The following BRWD1 variants were observed in gnomAD, a reference collection of about 807,000 sequenced individuals.
BRWD1 encodes bromodomain and WD repeat domain containing 1.
A neutral mutation model predicts 251.2 loss-of-function variants in BRWD1; 82 were observed. The ratio of observed to expected loss-of-function variants is 0.33; its 90% CI spans 0.27 to 0.39. The LOEUF (loss-of-function observed/expected upper bound fraction) is 0.39, where lower values mean the gene tolerates loss of function less well. Ranked by LOEUF, BRWD1 falls within the 10% of genes least tolerant of loss-of-function variation. The pLI is 1.00. For synonymous variants in BRWD1, 918 were observed against 902.8 expected (o/e 1.02, Z -0.30); for missense variants, 2,233 against 2,711.6 (o/e 0.82, Z 3.92).
At position 39,228,630 on chromosome 21, in the gene BRWD1, T is replaced by A. The variant is rs375381901; in HGVS notation, c.3126-48A>T. The A allele has an allele frequency of 1.8e-5, 20 of 1,108,436 alleles. No homozygotes were observed. In the African/African-American group the frequency reaches 2.8e-4, roughly 15 times the overall value. The allele number at this position is 1,108,436 out of a possible 1,614,324, so 68.7% of individuals were successfully genotyped here. A position where few individuals can be genotyped will look rare whatever the true frequency, so the allele number is the denominator to read the frequency against. ...GTTAAACTCTCTACATAGCAGGTTATATAGTCTAAAAGCAGCACTGTCCAA... is the reference window on the plus strand; with the variant it reads ...GTTAAACTCTCTACATAGCAGGTTAAATAGTCTAAAAGCAGCACTGTCCAA... On this transcript the variant is annotated intron_variant, in intron 26 of 40. Coordinates refer to ENST00000342449, the MANE Select transcript of BRWD1 (RefSeq NM_033656.4).
At position 39,186,982 on chromosome 21, in the gene BRWD1, T is replaced by C; in HGVS notation, c.*9277A>G. ...CAGAATGTAACTGCCAGTTTACTTGTGTACCAATTGTTTTCAGATGCCACT... is the reference window on the plus strand; with the variant it reads ...CAGAATGTAACTGCCAGTTTACTTGCGTACCAATTGTTTTCAGATGCCACT... On this transcript the variant is annotated 3_prime_UTR_variant, in exon 41 of 41. Transcript: ENST00000342449. The C allele has an allele frequency of 2.6e-6, 4 of 1,517,062 alleles. No homozygotes were observed. The highest frequency in any genetic ancestry group is 3.5e-6 in the Non-Finnish European group (4 of 1,138,654). 94.0% of individuals were successfully genotyped at this position (1,517,062 alleles called of 1,614,324 possible). A position where few individuals can be genotyped will look rare whatever the true frequency, so the allele number is the denominator to read the frequency against.
rs1420911398 is a variant in BRWD1, at chr21:39,312,587, C to G, written c.198+254G>C. ...GGCGGCCGCACCTGGAGCCCCACCC[C>G]TGCCGCAGGACCTCCGCGAGTCGCC... On this transcript the variant is annotated intron_variant, in intron 4 of 40. Transcript: ENST00000342449. 2.0e-5 allele frequency: 7 copies of G among 355,680 alleles called. No homozygotes were observed. In the East Asian group the frequency reaches 3.2e-4, roughly 16 times the overall value. The allele number at this position is 355,680 out of a possible 1,614,324, so 22.0% of individuals were successfully genotyped here. A position where few individuals can be genotyped will look rare whatever the true frequency, so the allele number is the denominator to read the frequency against.
intron 8 of BRWD1, among the ~76,000 whole-genome samples, chr21:39,282,091 C>G (rs990138143): frequency 4.6e-5 from 7 of 151,250 alleles, no homozygotes; most frequent in Admixed American, 1.3e-4. Flanking sequence ...TATACACATA[C>G]GTATATAAAC....
chr21:39,206,419 C>G, intron 36 of BRWD1, 145 bp from the exon 37 acceptor site: 1 of 599,280 alleles, frequency 1.7e-6, no homozygotes, highest in Admixed American at 3.4e-5. Context: ...TTTCCAACCC[C>G]CTTCCCTTAA....
In BRWD1 at chr21:39,190,969, C is replaced by A. The variant is rs879067811; in HGVS notation, c.*5290G>T. The A allele has an allele frequency of 1.0e-6, 1 of 985,018 alleles. No homozygotes were observed. The highest frequency in any genetic ancestry group is 1.2e-6 in the Non-Finnish European group (1 of 829,788). 61.0% of individuals were successfully genotyped at this position (985,018 alleles called of 1,614,324 possible). On this transcript the variant is annotated 3_prime_UTR_variant, in exon 41 of 41. Coordinates refer to ENST00000342449, the MANE Select transcript of BRWD1 (RefSeq NM_033656.4). ...TCATCACAATACAGTTTTCTCTCAC[C>A]CCTAGAAAAACTCAGATTTGTGATG...
chr21:39,255,838 T>C lies in BRWD1; in HGVS notation c.2072-10A>G, dbSNP rs2034545678. 1 of 1,611,356 alleles carries C rather than the reference T, an allele frequency of 6.2e-7. No homozygotes were observed. Among genetic ancestry groups the C allele is most frequent in the Admixed American group, 1.7e-5 (1 of 59,966 alleles). ...CTCAGCCTTCTAAAACCTAGGAAAA[T>C]ATGATGGGGAAGTGATTCCAATACA... On this transcript the variant is annotated splice_polypyrimidine_tract_variant and intron_variant, in intron 18 of 40. Transcript: ENST00000342449.
chr21:39,296,707 C>A, intron 5 of BRWD1: 3 of 873,704 alleles, frequency 3.4e-6, no homozygotes, highest in Non-Finnish European at 4.1e-6. Context: ...GTTCCAGGAC[C>A]TTTAAAGAGA....
intron 36 of BRWD1, among the ~76,000 whole-genome samples, chr21:39,209,047 TA>T: frequency 6.6e-6 from 1 of 150,770 alleles, no homozygotes; most frequent in Non-Finnish European, 1.5e-5. Flanking sequence ...GCTTATGAGA[TA>T]AGAAGAACTG....
At chr21:39,282,230 G>T (rs1306956124) in intron 8 of BRWD1, among the ~76,000 whole-genome samples, 1 of 152,102 alleles carries the variant, frequency 6.6e-6, no homozygotes, top group Non-Finnish European at 1.5e-5. Flanking sequence ...GCAACAGAGT[G>T]AGACTCTGTC....
intron 21 of BRWD1, among the ~76,000 whole-genome samples, chr21:39,242,872 G>A (rs1269795869): frequency 6.6e-6 from 1 of 152,150 alleles, no homozygotes; most frequent in Non-Finnish European, 1.5e-5. Flanking sequence ...ACCAGATATT[G>A]TAAGCCCACT....
chr21:39,313,013 C>T (rs2036561189), intron 3 of BRWD1, 59 bp downstream of exon 3: 3 of 1,234,730 alleles, frequency 2.4e-6, no homozygotes, highest in Non-Finnish European at 2.0e-6. Context: ...GGCGAGCATC[C>T]CTCAGGGCAA....
Position 39,191,774 on chromosome 21 carries a change from A to G in BRWD1, c.*4485T>C. ...CTAGGCTCTATATACTGGTCATCTC[A>G]TTTCAGTTAGGTCAATTGGACTGCC... On this transcript the variant is annotated 3_prime_UTR_variant, in exon 41 of 41. Coordinates refer to ENST00000342449, the MANE Select transcript of BRWD1 (RefSeq NM_033656.4). 1 of 980,674 alleles carries G rather than the reference A, an allele frequency of 1.0e-6. No homozygotes were observed. The highest frequency in any genetic ancestry group is 1.2e-6 in the Non-Finnish European group (1 of 825,630). 60.7% of individuals were successfully genotyped at this position (980,674 alleles called of 1,614,324 possible). A position where few individuals can be genotyped will look rare whatever the true frequency, so the allele number is the denominator to read the frequency against.
intron 17 of BRWD1, among the ~76,000 whole-genome samples, chr21:39,259,490 G>C (rs987913034): frequency 4.6e-5 from 7 of 151,996 alleles, no homozygotes; most frequent in African/African-American, 1.7e-4. Context: ...AGTAGAGACA[G>C]GGTTTCACCG....
chr21:39,188,970 CTG>C lies in BRWD1; in HGVS notation c.*7287_*7288del, dbSNP rs1429634504. The stretch of plus-strand genomic sequence containing the variant: ...TGCCCTTACCTCCTTCAGCTGGACT[CTG>C]TGGGAAGAGAAGTGGCTTAAAGTGC... On this transcript the variant is annotated 3_prime_UTR_variant, in exon 41 of 41. Transcript: ENST00000342449. 1.0e-6 allele frequency: 1 copy of C among 985,254 alleles called. No homozygotes were observed. The highest frequency in any genetic ancestry group is 6.2e-5 in the Admixed American group (1 of 16,258). 61.0% of individuals were successfully genotyped at this position (985,254 alleles called of 1,614,324 possible).
chr21:39,275,510 T>A (rs2035251929), intron 12 of BRWD1, among the ~76,000 whole-genome samples: 1 of 152,176 alleles, frequency 6.6e-6, no homozygotes, highest in Non-Finnish European at 1.5e-5. Flanking sequence ...TTTCATTCAA[T>A]TAATACATTT....
intron 17 of BRWD1, among the ~76,000 whole-genome samples, chr21:39,262,347 C>G (rs888748897): frequency 2.6e-5 from 4 of 152,184 alleles, no homozygotes. Flanking sequence ...TAAACAGGAA[C>G]AAACTACTGA....
chr21:39,264,916 A>G lies in BRWD1; in HGVS notation c.1634T>C (p.Phe545Ser), dbSNP rs1568930230. The G allele has an allele frequency of 6.2e-7, 1 of 1,613,570 alleles. No individual in the cohort carries two copies. ...DSHGHLLIFG[F>S]GCSKPYEKIP... ...CTTTTCATATGGTTTGCTGCATCCA[A>G]AACCAAATATCAGAAGGTGCCCATG... is the stretch of plus-strand genomic sequence containing the variant. The change falls in exon 16 of 41, where the codon TTT (phenylalanine) becomes TCT (serine). Residue 545 changes from phenylalanine to serine, a missense_variant. Phe to Ser is a radical substitution (Grantham distance 155). Around this residue, in one of 12 missense-constraint regions of BRWD1, gnomAD observed 315 missense variants for 421.8 expected, o/e 0.75. Coordinates refer to ENST00000342449, the MANE Select transcript of BRWD1 (RefSeq NM_033656.4).
chr21:39,316,177 A>G (rs1055685853), upstream of BRWD1, among the ~76,000 whole-genome samples: 2 of 152,218 alleles, frequency 1.3e-5, no homozygotes, highest in Admixed American at 6.5e-5. Flanking sequence ...GAAATGATGC[A>G]TGAGGGCGTT....
At chr21:39,291,578 T>C (rs1347982046) in intron 8 of BRWD1, among the ~76,000 whole-genome samples, 2 of 152,004 alleles carry the variant, frequency 1.3e-5, no homozygotes, top group Non-Finnish European at 2.9e-5. Flanking sequence ...TTGTAAGTTG[T>C]CTAAAAAAAC....
Sources: allele counts gnomAD v4.1 joint callset (sites outside exome capture counted in the v4.1 genomes callset), GRCh38; gene constraint gnomAD v4.1.1; regional missense constraint gnomAD v4.1.1; transcripts MANE v1.5; gene names NCBI Gene and HGNC (gene_info 2026-07-23, HGNC 2026-07-21).